The following NSMCE2 variants were observed in gnomAD, a reference collection of about 807,000 sequenced individuals.
NSMCE2 encodes NSE2 SUMO ligase component of SMC5/6 complex.
In NSMCE2, 24 loss-of-function variants were observed where a neutral mutation model predicts 23.8. The ratio of observed to expected loss-of-function variants is 1.01; its 90% CI spans 0.73 to 1.42. The LOEUF is 1.42. Ranked by LOEUF, NSMCE2 falls within the 40% of genes most tolerant of loss-of-function variation. NSMCE2 has a pLI of 0.00. For synonymous variants in NSMCE2, 92 were observed against 94.1 expected, an observed-to-expected ratio of 0.98 and a Z score of 0.13; for missense variants, 284 against 296.5, an observed-to-expected ratio of 0.96 and a Z score of 0.31.
intron 5 of NSMCE2, among the ~76,000 whole-genome samples, chr8:125,199,521 T>G (rs141299849): frequency 2.9e-4 from 44 of 152,354 alleles, no homozygotes; most frequent in Non-Finnish European, 5.3e-4. Flanking sequence ...GAGTTCTAAT[T>G]TGATTGCACT....
At chr8:125,195,065 A>G (rs1247956821) in intron 5 of NSMCE2, among the ~76,000 whole-genome samples, 2 of 152,188 alleles carry the variant, frequency 1.3e-5, no homozygotes, top group Non-Finnish European at 2.9e-5. Context: ...GTTCTACCCT[A>G]GACCTACTGA....
At chr8:125,213,544 C>A (rs539613235) in intron 5 of NSMCE2, among the ~76,000 whole-genome samples, 1 of 128,812 alleles carries the variant, frequency 7.8e-6, no homozygotes, top group South Asian at 3.1e-4. Flanking sequence ...CCTCTCCCCT[C>A]CACTCCCCTC....
chr8:125,128,831 G>A (rs934601117), intron 3 of NSMCE2, among the ~76,000 whole-genome samples: 3 of 152,044 alleles, frequency 2.0e-5, no homozygotes, highest in Non-Finnish European at 4.4e-5. Context: ...TTAATAACGG[G>A]CCTTGTGATT....
At chr8:125,107,628 C>T (rs1818529347) in intron 3 of NSMCE2, among the ~76,000 whole-genome samples, 1 of 152,120 alleles carries the variant, frequency 6.6e-6, no homozygotes, top group Non-Finnish European at 1.5e-5. Context: ...CAGTTTTTTC[C>T]ACAATTGCTT....
At chr8:125,118,083 G>A (rs1819103026) in intron 3 of NSMCE2, among the ~76,000 whole-genome samples, 1 of 152,062 alleles carries the variant, frequency 6.6e-6, no homozygotes, top group Non-Finnish European at 1.5e-5. Context: ...ATGGAGAAGG[G>A]TCACAACTGT....
In NSMCE2 at chr8:125,264,870, A is replaced by C. The variant is rs147598286; in HGVS notation, c.418+82614A>C. On this transcript the variant is annotated intron_variant, in intron 5 of 7. Transcript: ENST00000287437. Reference sequence around the variant, plus strand: ...TCTTCTAGTACCTTGACACATGCAAATATCTCATTTAATCTTCACAACAAC... The same window carrying C: ...TCTTCTAGTACCTTGACACATGCAACTATCTCATTTAATCTTCACAACAAC... Among the ~76,000 whole-genome samples the C allele has an allele frequency of 4.6e-5, 7 of 152,262 alleles. No homozygotes were observed. In the East Asian group the frequency reaches 1.2e-3, roughly 25 times the overall value.
rs370355536 is a variant in NSMCE2 at position 125,285,906 on chromosome 8, A to G, written c.419-71313A>G. On this transcript the variant is annotated intron_variant, in intron 5 of 7. Coordinates refer to ENST00000287437, the MANE Select transcript of NSMCE2 (RefSeq NM_173685.4). The stretch of plus-strand genomic sequence containing the variant: ...TTGTCCAAGGTCACATGTATGTCTC[A>G]GTGACTGTGCCAGGATTTGAATTCA... Among the ~76,000 whole-genome samples the G allele has an allele frequency of 2.4e-3, 371 of 152,188 alleles. 3 individuals are homozygous for G. Among genetic ancestry groups the G allele is most frequent in the South Asian group, 0.018 (86 of 4,802 alleles).
chr8:125,342,512 G>A (rs2131329548), intron 5 of NSMCE2, among the ~76,000 whole-genome samples: 1 of 152,236 alleles, frequency 6.6e-6, no homozygotes, highest in Admixed American at 6.5e-5. Context: ...GGGGGTGGGT[G>A]AGAGGAAGGA....
intron 3 of NSMCE2, among the ~76,000 whole-genome samples, chr8:125,139,455 A>T (rs1415783618): frequency 6.6e-6 from 1 of 152,184 alleles, no homozygotes; most frequent in Non-Finnish European, 1.5e-5. Flanking sequence ...GGAGACTGGT[A>T]ATTTATAAAG....
At chr8:125,339,667 C>G (rs1472141552) in intron 5 of NSMCE2, among the ~76,000 whole-genome samples, 10 of 152,244 alleles carry the variant, frequency 6.6e-5, no homozygotes, top group African/African-American at 1.9e-4. Context: ...CGTGCTTTCT[C>G]TCACATTTTT....
intron 5 of NSMCE2, among the ~76,000 whole-genome samples, chr8:125,306,801 A>G (rs1052900849): frequency 4.6e-5 from 7 of 152,150 alleles, no homozygotes; most frequent in Non-Finnish European, 8.8e-5. Context: ...TGTTCCACCA[A>G]TTGCTAACTG....
At chr8:125,288,287 A>G (rs536913261) in intron 5 of NSMCE2, among the ~76,000 whole-genome samples, 1 of 152,154 alleles carries the variant, frequency 6.6e-6, no homozygotes, top group South Asian at 2.1e-4. Context: ...GACTGCTGGG[A>G]CGTAACAGGA....
chr8:125,260,465 C>A (rs1826640476), intron 5 of NSMCE2, among the ~76,000 whole-genome samples: 1 of 151,030 alleles, frequency 6.6e-6, no homozygotes, highest in Non-Finnish European at 1.5e-5. Context: ...TTGCTTTCCC[C>A]ACTAGATCTG....
intron 5 of NSMCE2, among the ~76,000 whole-genome samples, chr8:125,207,466 T>G (rs1374597840): frequency 6.6e-6 from 1 of 152,214 alleles, no homozygotes; most frequent in Non-Finnish European, 1.5e-5. Context: ...TTTAAGGTAT[T>G]TTAAAATAAA....
At chr8:125,148,498 C>T (rs1319649159) in intron 3 of NSMCE2, among the ~76,000 whole-genome samples, 1 of 152,194 alleles carries the variant, frequency 6.6e-6, no homozygotes, top group African/African-American at 2.4e-5. Context: ...TCTATTTCCA[C>T]TGATTTAAGC....
At chr8:125,235,538 G>A (rs1160071151) in intron 5 of NSMCE2, among the ~76,000 whole-genome samples, 1 of 152,066 alleles carries the variant, frequency 6.6e-6, no homozygotes, top group Non-Finnish European at 1.5e-5. Flanking sequence ...CTGTGTACAC[G>A]AGAGGTTATA....
intron 1 of NSMCE2, among the ~76,000 whole-genome samples, chr8:125,093,556 A>G (rs912876816): frequency 1.3e-5 from 2 of 151,630 alleles, no homozygotes; most frequent in African/African-American, 2.4e-5. Flanking sequence ...AAATAAATAA[A>G]TAAGTAAATA....
At chr8:125,309,723 C>CA (rs201138822) in intron 5 of NSMCE2, among the ~76,000 whole-genome samples, 6,116 of 144,878 alleles carry the variant, frequency 0.042, 281 homozygotes, top group African/African-American at 0.12. Context: ...GACCCAGTCT[C>CA]AAAAAAAAAA....
chr8:125,294,593 C>T (rs1366858190), intron 5 of NSMCE2, among the ~76,000 whole-genome samples: 1 of 152,142 alleles, frequency 6.6e-6, no homozygotes, highest in East Asian at 1.9e-4. Flanking sequence ...AACTTGCGAT[C>T]GTATACTTTC....
Sources: gnomAD v4.1 joint callset for allele counts (sites outside exome capture counted in the v4.1 genomes callset) on GRCh38, gnomAD v4.1.1 for gene constraint, MANE v1.5 for transcripts, NCBI Gene and HGNC (gene_info 2026-07-23, HGNC 2026-07-21) for gene names.